CHRNA10: variants seen among roughly 807,000 people sequenced by gnomAD.
The protein encoded by CHRNA10 is neuronal acetylcholine receptor subunit alpha-10.
CHRNA10 carries 31 observed loss-of-function variants against 36.0 expected under a neutral mutation model. The ratio of observed to expected loss-of-function variants is 0.86; its 90% CI spans 0.65 to 1.16. The LOEUF (loss-of-function observed/expected upper bound fraction) is 1.16, where lower values mean the gene tolerates loss of function less well. Ranked by LOEUF, CHRNA10 falls within the 50% of genes most tolerant of loss-of-function variation. The pLI is 0.00. For synonymous variants in CHRNA10, 302 were observed against 287.0 expected (o/e 1.05, Z -0.53); for missense variants, 648 against 640.9 (o/e 1.01, Z -0.12).
intron 4 of CHRNA10, 123 bp from the exon 5 acceptor site, chr11:3,666,687 A>C: frequency 1.4e-6 from 1 of 720,804 alleles, no homozygotes; most frequent in Non-Finnish European, 2.2e-6. Flanking sequence ...TCCAAGCCCC[A>C]TGGATGGAAG....
At chr11:3,671,044 TC>T in intron 1 of CHRNA10, 1 of 593,630 alleles carries the variant, frequency 1.7e-6, no homozygotes, top group Non-Finnish European at 3.0e-6. Context: ...CTCTGGAAGC[TC>T]CCCGCTCACT....
chr11:3,666,673 A>C, intron 4 of CHRNA10, 109 bp from the exon 5 acceptor site: 1 of 810,932 alleles, frequency 1.2e-6, no homozygotes, highest in Non-Finnish European at 1.9e-6. Context: ...AGCTCTCCAG[A>C]CCCTCCAAGC....
intron 3 of CHRNA10, chr11:3,668,508 G>C (rs2077687960): frequency 6.6e-6 from 1 of 152,186 alleles, no homozygotes; most frequent in Admixed American, 6.5e-5. Context: ...GCGAGACTGT[G>C]TCTCAAATAA....
rs1240824661 is a variant in CHRNA10, at chr11:3,667,254, C to T, written c.873G>A (p.Pro291=). ...FQLLLAESMP[P]AESVPLIGKY... Reference sequence around the variant, plus strand: ...CACCGATGAGCGGCACGCTCTCGGCCGGTGGCATGCTCTCGGCCAGCAGCA... The same window carrying T: ...CACCGATGAGCGGCACGCTCTCGGCTGGTGGCATGCTCTCGGCCAGCAGCA... The change falls in exon 4 of 5, where the codon CCG becomes CCA. Residue 291 remains proline (P), a synonymous_variant. Transcript: ENST00000250699. The T allele has an allele frequency of 3.8e-6, 6 of 1,591,546 alleles. No individual in the cohort carries two copies. Among genetic ancestry groups the T allele is most frequent in the Admixed American group, 1.7e-5 (1 of 59,004 alleles).
intron 1 of CHRNA10, among the ~76,000 whole-genome samples, chr11:3,670,437 A>T (rs1028755813): frequency 6.6e-6 from 1 of 152,104 alleles, no homozygotes; most frequent in Non-Finnish European, 1.5e-5. Flanking sequence ...TCAATCCCTG[A>T]CCTAAACATT....
chr11:3,670,182 C>T (rs1369714037), intron 1 of CHRNA10, among the ~76,000 whole-genome samples: 1 of 152,212 alleles, frequency 6.6e-6, no homozygotes, highest in Non-Finnish European at 1.5e-5. Flanking sequence ...CTCCTCCACC[C>T]TCCCCTTTTC....
chr11:3,668,905 G>T, intron 3 of CHRNA10: 1 of 295,808 alleles, frequency 3.4e-6, no homozygotes, highest in Non-Finnish European at 6.3e-6. Flanking sequence ...AGCCCTGAGA[G>T]ACTTAGAGCT....
chr11:3,667,506 C>T lies in CHRNA10; in HGVS notation c.621G>A (p.Met207Ile). The change falls in exon 4 of 5, where the codon ATG becomes ATA. Residue 207 changes from methionine to isoleucine, a missense_variant. By Grantham distance (10) the Met-to-Ile change is conservative (BLOSUM62 1). Coordinates refer to ENST00000250699, the MANE Select transcript of CHRNA10 (RefSeq NM_020402.4). The stretch of plus-strand genomic sequence containing the variant: ...AGGTGAGCACGCGCCGCCGCGCCGG[C>T]ATGCCCAGCACGCGCCACTCCACGT... ...VENVEWRVLG[M>I]PARRRVLTYG... 1 of 1,581,130 alleles carries T rather than the reference C, an allele frequency of 6.3e-7. No individual in the cohort carries two copies. The highest frequency in any genetic ancestry group is 1.4e-5 in the African/African-American group (1 of 73,330).
Position 3,665,934 on chromosome 11 carries a change from A to G in CHRNA10, c.*173T>C, listed in dbSNP as rs2077655819. The G allele has an allele frequency of 3.8e-6, 2 of 529,148 alleles. No homozygotes were observed. Among genetic ancestry groups the G allele is most frequent in the African/African-American group, 3.8e-5 (2 of 52,198 alleles). The allele number at this position is 529,148 out of a possible 1,614,324, so 32.8% of individuals were successfully genotyped here. A position where few individuals can be genotyped will look rare whatever the true frequency, so the allele number is the denominator to read the frequency against. On this transcript the variant is annotated 3_prime_UTR_variant, in exon 5 of 5. Coordinates refer to ENST00000250699, the MANE Select transcript of CHRNA10 (RefSeq NM_020402.4). Reference sequence around the variant, plus strand: ...GGCAGGCTCTGGACTTCCTTTAGTTAGGGTGTGTAGACAATGAGTGCTCCC... The same window carrying G: ...GGCAGGCTCTGGACTTCCTTTAGTTGGGGTGTGTAGACAATGAGTGCTCCC...
intron 3 of CHRNA10, chr11:3,668,634 G>C (rs2077688962): frequency 6.6e-6 from 1 of 152,330 alleles, no homozygotes; most frequent in African/African-American, 2.4e-5. Context: ...GGCCTGGAAG[G>C]GGTGGTGCCT....
Position 3,665,646 on chromosome 11 carries a change from TC to T in CHRNA10, c.*460del, listed in dbSNP as rs2077653663. On this transcript the variant is annotated 3_prime_UTR_variant, in exon 5 of 5. Coordinates refer to ENST00000250699, the MANE Select transcript of CHRNA10 (RefSeq NM_020402.4). ...TTTGGGGCCAAATGTCTGTAGGGCCTCCTGCTCTGGAAACTCGACTGAGAAT... is the reference window on the plus strand; with the variant it reads ...TTTGGGGCCAAATGTCTGTAGGGCCTCTGCTCTGGAAACTCGACTGAGAAT... 1 of 154,494 alleles carries T rather than the reference TC, an allele frequency of 6.5e-6. No homozygotes were observed. The highest frequency in any genetic ancestry group is 1.4e-5 in the Non-Finnish European group (1 of 69,742). The allele number at this position is 154,494 out of a possible 1,614,324, so 9.6% of individuals were successfully genotyped here. A position where few individuals can be genotyped will look rare whatever the true frequency, so the allele number is the denominator to read the frequency against.
At position 3,667,591 on chromosome 11, in the gene CHRNA10, C is replaced by G; in HGVS notation, c.536G>C (p.Gly179Ala). ...GLTFGSWTHG[G>A]HQLDVRPRGA... Reference sequence around the variant, plus strand: ...GCGCGGCCGCACATCCAGTTGGTGCCCGCCGTGAGTCCAGGAGCCGAACGT... The same window carrying G: ...GCGCGGCCGCACATCCAGTTGGTGCGCGCCGTGAGTCCAGGAGCCGAACGT... The change falls in exon 4 of 5, where the codon GGG becomes GCG. Residue 179 changes from glycine (G) to alanine (A), a missense_variant. Transcript: ENST00000250699. 4.5e-6 allele frequency: 7 copies of G among 1,556,546 alleles called. No individual in the cohort carries two copies. The highest frequency in any genetic ancestry group is 6.1e-6 in the Non-Finnish European group (7 of 1,156,062).
At position 3,671,366 on chromosome 11, in the gene CHRNA10, C is replaced by T. The variant is rs2077713378; in HGVS notation, c.-54G>A. On this transcript the variant is annotated 5_prime_UTR_variant, in exon 1 of 5. Transcript: ENST00000250699. Reference sequence around the variant, plus strand: ...GTCTCTGGATGTGAGGCCTCCTGGCCAGACCTAGGGCAAAATTAGGCCCAG... The same window carrying T: ...GTCTCTGGATGTGAGGCCTCCTGGCTAGACCTAGGGCAAAATTAGGCCCAG... 1 of 1,594,164 alleles carries T rather than the reference C, an allele frequency of 6.3e-7. No homozygotes were observed. Among genetic ancestry groups the T allele is most frequent in the South Asian group, 1.1e-5 (1 of 90,524 alleles).
chr11:3,667,517 C>T lies in CHRNA10; in HGVS notation c.610G>A (p.Val204Met), dbSNP rs2077675065. 1.3e-6 allele frequency: 2 copies of T among 1,585,568 alleles called. No homozygotes were observed. The highest frequency in any genetic ancestry group is 1.7e-6 in the Non-Finnish European group (2 of 1,172,862). The change falls in exon 4 of 5, where the codon GTG becomes ATG. Residue 204 changes from valine (V) to methionine (M), a missense_variant. Transcript: ENST00000250699. ...ADFVENVEWR[V>M]LGMPARRRVL... ...CGCCGCCGCGCCGGCATGCCCAGCACGCGCCACTCCACGTTCTCCACGAAG... is the reference window on the plus strand; with the variant it reads ...CGCCGCCGCGCCGGCATGCCCAGCATGCGCCACTCCACGTTCTCCACGAAG...
chr11:3,667,562 C>T lies in CHRNA10; in HGVS notation c.565G>A (p.Ala189Thr), dbSNP rs765657038. 2.7e-5 allele frequency: 43 copies of T among 1,564,068 alleles called. No homozygotes were observed. Among genetic ancestry groups the T allele is most frequent in the Middle Eastern group, 1.7e-4 (1 of 5,806 alleles). Reference sequence around the variant, plus strand: ...ACGAAGTCCGCCAGGCTGGCTGCAGCGCCGCGCGGCCGCACATCCAGTTGG... The same window carrying T: ...ACGAAGTCCGCCAGGCTGGCTGCAGTGCCGCGCGGCCGCACATCCAGTTGG... ...GHQLDVRPRG[A>T]AASLADFVEN... The change falls in exon 4 of 5, where the codon GCT (alanine) becomes ACT (threonine). Residue 189 changes from alanine (A) to threonine (T), a missense_variant. Transcript: ENST00000250699.
rs549362681 is a variant in CHRNA10 at position 3,669,421 on chromosome 11, C to A, written c.208-71G>T. ...ATCCTGCCCTGTCTGTGCACACTCC[C>A]CTGCAGGGCTCTGGTCAGCACCCAC... On this transcript the variant is annotated intron_variant, in intron 2 of 4. Coordinates refer to ENST00000250699, the MANE Select transcript of CHRNA10 (RefSeq NM_020402.4). 49 of 1,557,792 alleles carry A rather than the reference C, an allele frequency of 3.1e-5. No individual in the cohort carries two copies. In the South Asian group the frequency reaches 4.9e-4, roughly 16 times the overall value.
rs1297366324 is a variant in CHRNA10 at position 3,666,390 on chromosome 11, C to T, written c.1070G>A (p.Cys357Tyr). 1.2e-6 allele frequency: 2 copies of T among 1,613,800 alleles called. No homozygotes were observed. Among genetic ancestry groups the T allele is most frequent in the South Asian group, 1.1e-5 (1 of 91,078 alleles). The change falls in exon 5 of 5, where the codon TGT (cysteine) becomes TAT (tyrosine). Residue 357 changes from cysteine to tyrosine, a missense_variant. By Grantham distance (194) the Cys-to-Tyr change is radical. Transcript: ENST00000250699. Reference sequence around the variant, plus strand: ...TAACTCAGGTGGCCTGGACTGCCCACAGGGCTCCCCTCTTTCCCGCACGCA... The same window carrying T: ...TAACTCAGGTGGCCTGGACTGCCCATAGGGCTCCCCTCTTTCCCGCACGCA... ...GLCVRERGEP[C>Y]GQSRPPELSP...
chr11:3,669,922 GCC>G lies in CHRNA10; in HGVS notation c.79_80del (p.Gly27ProfsTer9). The G allele has an allele frequency of 6.2e-7, 1 of 1,614,160 alleles. No homozygotes were observed. Among genetic ancestry groups the G allele is most frequent in the Non-Finnish European group, 8.5e-7 (1 of 1,180,026 alleles). On this transcript the variant is annotated frameshift_variant, in exon 2 of 5. Coordinates refer to ENST00000250699, the MANE Select transcript of CHRNA10 (RefSeq NM_020402.4). LOFTEE classifies it high-confidence loss of function. ...LLPAECLGAE[G>X]RLALKLFRDL... ...CACGGAACAGCTTGAGAGCCAGCCG[GCC>G]CTCAGCTCCCAGGCACTCTGGAGGG...
rs2077676537 is a variant in CHRNA10, at chr11:3,667,577, CA to C, written c.549del (p.Asp183GlufsTer124). ...GSWTHGGHQL[D>X]VRPRGAAASL... ...CTGGCTGCAGCGCCGCGCGGCCGCACATCCAGTTGGTGCCCGCCGTGAGTCC... is the reference window on the plus strand; with the variant it reads ...CTGGCTGCAGCGCCGCGCGGCCGCACTCCAGTTGGTGCCCGCCGTGAGTCC... On this transcript the variant is annotated frameshift_variant, in exon 4 of 5. Transcript: ENST00000250699. LOFTEE classifies it high-confidence loss of function. 1 of 1,557,476 alleles carries C rather than the reference CA, an allele frequency of 6.4e-7. No individual in the cohort carries two copies. Among genetic ancestry groups the C allele is most frequent in the African/African-American group, 1.4e-5 (1 of 73,610 alleles).
Sources: allele counts gnomAD v4.1 joint callset (sites outside exome capture counted in the v4.1 genomes callset), GRCh38; gene constraint gnomAD v4.1.1; transcripts MANE v1.5; gene names NCBI Gene and HGNC (gene_info 2026-07-23, HGNC 2026-07-21).